Variants in ZCRB1 observed in about 807,000 individuals in gnomAD.
The protein encoded by ZCRB1 is zinc finger CCHC-type and RNA-binding motif-containing protein 1.
ZCRB1 carries 21 observed loss-of-function variants against 29.9 expected under a neutral mutation model. That is an observed-to-expected ratio of 0.70 (90% CI 0.50 to 1.01). The LOEUF (loss-of-function observed/expected upper bound fraction) is 1.01. Among genes scored for constraint, ZCRB1 ranks in the 50% least tolerant of loss-of-function variants. The pLI, the probability that ZCRB1 is intolerant of heterozygous loss-of-function variation, is 0.00. For missense variants in ZCRB1, 204 were observed against 253.3 expected (o/e 0.81, Z 1.32); for synonymous variants, 77 against 80.0 (o/e 0.96, Z 0.20).
chr12:42,318,270 TC>T (rs2068604608), intron 3 of ZCRB1, among the ~76,000 whole-genome samples: 2 of 152,366 alleles, frequency 1.3e-5, no homozygotes, highest in African/African-American at 4.8e-5. Context: ...TATTTATTTT[TC>T]TAAGTGTTAG....
chr12:42,322,215 G>T (rs1474090237), intron 3 of ZCRB1, among the ~76,000 whole-genome samples: 1 of 147,766 alleles, frequency 6.8e-6, no homozygotes, highest in Non-Finnish European at 1.5e-5. Context: ...AAAGAAAATT[G>T]TATGTATGTA....
At chr12:42,313,843 A>G in intron 6 of ZCRB1, 31 bp downstream of exon 6, 3 of 1,609,246 alleles carry the variant, frequency 1.9e-6, no homozygotes, top group Non-Finnish European at 2.5e-6. Flanking sequence ...AAGCAACATG[A>G]TGATGTATTT....
chr12:42,325,156 A>T (rs1296745384), intron 1 of ZCRB1, among the ~76,000 whole-genome samples: 2 of 152,232 alleles, frequency 1.3e-5, no homozygotes. Context: ...ACAATGTATT[A>T]CACTCTTAGG....
intron 3 of ZCRB1, among the ~76,000 whole-genome samples, chr12:42,321,402 T>C (rs2068620637): frequency 6.6e-6 from 1 of 152,218 alleles, no homozygotes; most frequent in Admixed American, 6.5e-5. Context: ...TCATGTATAA[T>C]ACTGAGATGA....
intron 3 of ZCRB1, 113 bp from the exon 4 acceptor site, chr12:42,318,011 T>C: frequency 1.3e-6 from 1 of 794,616 alleles, no homozygotes; most frequent in Non-Finnish European, 2.0e-6. Flanking sequence ...AATTAATACA[T>C]TTGAAAAATC....
intron 3 of ZCRB1, among the ~76,000 whole-genome samples, chr12:42,321,346 ACTAG>A (rs1311160668): frequency 3.6e-4 from 55 of 152,218 alleles, no homozygotes; most frequent in Non-Finnish European, 1.3e-4. Flanking sequence ...TTTCTCCACC[ACTAG>A]CTAGCAAGAT....
At chr12:42,317,752 G>T (rs1018362780) in intron 4 of ZCRB1, 35 bp downstream of exon 4, 1 of 1,588,700 alleles carries the variant, frequency 6.3e-7, no homozygotes, top group Non-Finnish European at 8.6e-7. Context: ...TAAAGGCTTT[G>T]GGGCTAAAAA....
intron 3 of ZCRB1, among the ~76,000 whole-genome samples, 200 bp downstream of exon 3, chr12:42,322,218 T>G (rs574449836): frequency 2.0e-5 from 3 of 147,730 alleles, no homozygotes; most frequent in Non-Finnish European, 4.5e-5. Context: ...GAAAATTGTA[T>G]GTATGTAATA....
intron 3 of ZCRB1, among the ~76,000 whole-genome samples, chr12:42,318,330 AG>A (rs2068604889): frequency 1.3e-5 from 2 of 152,236 alleles, no homozygotes; most frequent in Admixed American, 6.5e-5. Context: ...CAGAAAAATA[AG>A]GAAAAAAACC....
At chr12:42,318,264 T>A (rs2068604567) in intron 3 of ZCRB1, among the ~76,000 whole-genome samples, 2 of 152,362 alleles carry the variant, frequency 1.3e-5, no homozygotes, top group African/African-American at 4.8e-5. Context: ...ATGATTTATT[T>A]ATTTTTCTAA....
At chr12:42,321,297 G>A (rs1473503511) in intron 3 of ZCRB1, among the ~76,000 whole-genome samples, 3 of 152,188 alleles carry the variant, frequency 2.0e-5, no homozygotes, top group African/African-American at 7.2e-5. Context: ...AAAGGTAAAA[G>A]GGAGTGGGCT....
intron 3 of ZCRB1, among the ~76,000 whole-genome samples, chr12:42,321,171 C>T (rs1041620643): frequency 6.6e-6 from 1 of 152,152 alleles, no homozygotes; most frequent in African/African-American, 2.4e-5. Flanking sequence ...GATAGTCTTC[C>T]CTGTTTCTAG....
At chr12:42,322,374 A>C in intron 3 of ZCRB1, 44 bp downstream of exon 3, 1 of 1,429,344 alleles carries the variant, frequency 7.0e-7, no homozygotes, top group South Asian at 1.4e-5. Context: ...GCAAATTCAG[A>C]TAAACTTTTA....
chr12:42,323,261 T>C (rs1192567564), intron 2 of ZCRB1, among the ~76,000 whole-genome samples: 1 of 152,212 alleles, frequency 6.6e-6, no homozygotes, highest in Non-Finnish European at 1.5e-5. Context: ...TACAGTCTTC[T>C]ATATAATACT....
chr12:42,312,962 T>A lies in ZCRB1; in HGVS notation c.*105A>T. The A allele has an allele frequency of 9.1e-7, 1 of 1,102,748 alleles. No individual in the cohort carries two copies. The highest frequency in any genetic ancestry group is 1.2e-6 in the Non-Finnish European group (1 of 842,278). The allele number at this position is 1,102,748 out of a possible 1,614,324, so 68.3% of individuals were successfully genotyped here. On this transcript the variant is annotated 3_prime_UTR_variant, in exon 8 of 8. Coordinates refer to ENST00000266529, the MANE Select transcript of ZCRB1 (RefSeq NM_033114.4). The stretch of plus-strand genomic sequence containing the variant: ...ATCTTTTTTCTTGGGATGACAATAA[T>A]AGTATTAACATGATAGTATTAATTT...
chr12:42,324,726 T>G (rs779764753), intron 1 of ZCRB1, among the ~76,000 whole-genome samples: 1 of 152,212 alleles, frequency 6.6e-6, no homozygotes, highest in Non-Finnish European at 1.5e-5. Flanking sequence ...AGTGCCAGAT[T>G]GTATGGGTAG....
At chr12:42,315,570 A>C (rs117148993) in intron 5 of ZCRB1, among the ~76,000 whole-genome samples, 1 of 152,210 alleles carries the variant, frequency 6.6e-6, no homozygotes, top group South Asian at 2.1e-4. Context: ...AACTTGAGAA[A>C]AACCAGGCTA....
chr12:42,317,677 A>G, intron 4 of ZCRB1, 110 bp downstream of exon 4: 1 of 954,050 alleles, frequency 1.0e-6, no homozygotes, highest in Non-Finnish European at 1.6e-6. Context: ...ATATCTTAAG[A>G]ATCTACTGAT....
rs530107267 is a variant in ZCRB1, at chr12:42,321,277, G to A, written c.113+1141C>T. On this transcript the variant is annotated intron_variant, in intron 3 of 7. Coordinates refer to ENST00000266529, the MANE Select transcript of ZCRB1 (RefSeq NM_033114.4). ...TCCATTCAGAGATTCTAACAAAGTG[G>A]AAAAAGAAAAAAGGTAAAAGGGAGT... Among the ~76,000 whole-genome samples the A allele has an allele frequency of 1.4e-4, 22 of 152,106 alleles. 1 individual carries two copies. Among genetic ancestry groups the A allele is most frequent in the African/African-American group, 5.3e-4 (22 of 41,538 alleles).
Sources: gnomAD v4.1 joint callset for allele counts (sites outside exome capture counted in the v4.1 genomes callset) on GRCh38, gnomAD v4.1.1 for gene constraint, MANE v1.5 for transcripts, NCBI Gene and HGNC (gene_info 2026-07-23, HGNC 2026-07-21) for gene names.